RBMS1: variants seen among roughly 807,000 people sequenced by gnomAD.
The protein encoded by RBMS1 is RNA-binding motif, single-stranded-interacting protein 1.
RBMS1 carries 17 observed loss-of-function variants against 62.3 expected under a neutral mutation model. The ratio of observed to expected loss-of-function variants is 0.27; its 90% CI spans 0.19 to 0.41. The LOEUF is 0.41. Ranked by LOEUF, RBMS1 falls within the 10% of genes least tolerant of loss-of-function variation. The pLI, the probability that RBMS1 is intolerant of heterozygous loss-of-function variation, is 1.00. For synonymous variants in RBMS1, 172 were observed against 170.0 expected (o/e 1.01, Z -0.09); for missense variants, 334 against 504.5 (o/e 0.66, Z 3.24).
intron 1 of RBMS1, among the ~76,000 whole-genome samples, chr2:160,388,730 A>C (rs564649773): frequency 6.6e-6 from 1 of 152,308 alleles, no homozygotes; most frequent in East Asian, 1.9e-4. Flanking sequence ...GAGCCAAGCA[A>C]TTTCCGGTTC....
intron 1 of RBMS1, among the ~76,000 whole-genome samples, chr2:160,418,471 T>C (rs1185026344): frequency 6.6e-6 from 1 of 152,174 alleles, no homozygotes; most frequent in African/African-American, 2.4e-5. Flanking sequence ...AAAATTTATA[T>C]GAAATTACAA....
In RBMS1 at chr2:160,426,478, C is replaced by T. The variant is rs147570046; in HGVS notation, c.76-59087G>A. Among the ~76,000 whole-genome samples, 969 of 152,190 alleles carry T rather than the reference C, an allele frequency of 6.4e-3. 3 individuals carry two copies. The highest frequency in any genetic ancestry group is 0.011 in the Non-Finnish European group (733 of 68,014). On this transcript the variant is annotated intron_variant, in intron 1 of 13. Transcript: ENST00000348849. ...TCAACAAACATAAAAATTAGATTAT[C>T]CTTTATCAAATTTAAAATGTTTTTA...
intron 1 of RBMS1, among the ~76,000 whole-genome samples, chr2:160,449,297 C>T (rs1037831087): frequency 6.6e-6 from 1 of 152,362 alleles, no homozygotes; most frequent in African/African-American, 2.4e-5. Context: ...AGGAGCCCCT[C>T]TGCCCGGCCG....
intron 1 of RBMS1, among the ~76,000 whole-genome samples, chr2:160,470,205 G>A (rs961140771): frequency 5.9e-5 from 9 of 152,002 alleles, no homozygotes; most frequent in African/African-American, 1.9e-4. Flanking sequence ...AGAGTTTTTC[G>A]ATTGTCAGTA....
chr2:160,396,881 C>T (rs1695174264), intron 1 of RBMS1, among the ~76,000 whole-genome samples: 1 of 152,098 alleles, frequency 6.6e-6, no homozygotes, highest in African/African-American at 2.4e-5. Flanking sequence ...TGTCTACCTG[C>T]GCATGCACGT....
chr2:160,369,876 T>C (rs928745206), intron 1 of RBMS1, among the ~76,000 whole-genome samples: 1 of 152,194 alleles, frequency 6.6e-6, no homozygotes, highest in African/African-American at 2.4e-5. Flanking sequence ...ATGACTTAGT[T>C]GGAGATTATT....
At chr2:160,408,047 A>C (rs1695858815) in intron 1 of RBMS1, among the ~76,000 whole-genome samples, 1 of 146,794 alleles carries the variant, frequency 6.8e-6, no homozygotes, top group Non-Finnish European at 1.5e-5. Flanking sequence ...CCCTCCCGGG[A>C]TCGGGGCCGG....
intron 1 of RBMS1, among the ~76,000 whole-genome samples, chr2:160,378,769 T>A (rs918092575): frequency 1.3e-5 from 2 of 152,224 alleles, no homozygotes; most frequent in African/African-American, 4.8e-5. Flanking sequence ...CACAAATTCA[T>A]ACACTCAAAA....
At chr2:160,428,864 T>G (rs1682765411) in intron 1 of RBMS1, among the ~76,000 whole-genome samples, 1 of 152,210 alleles carries the variant, frequency 6.6e-6, no homozygotes, top group South Asian at 2.1e-4. Flanking sequence ...ACATTGTGCT[T>G]CCTTTTGTAT....
Position 160,427,471 on chromosome 2 carries a change from T to C in RBMS1, c.76-60080A>G, listed in dbSNP as rs185351728. 5.9e-5 allele frequency among the ~76,000 whole-genome samples: 9 copies of C among 152,226 alleles called. No individual in the cohort carries two copies. In the East Asian group the frequency reaches 1.7e-3, roughly 29 times the overall value. On this transcript the variant is annotated intron_variant, in intron 1 of 13. Transcript: ENST00000348849. Reference sequence around the variant, plus strand: ...ATCAAGAATGACACAATTAAAAAAATTGTTAAAGCCTAAATATATAAACAT... The same window carrying C: ...ATCAAGAATGACACAATTAAAAAAACTGTTAAAGCCTAAATATATAAACAT...
chr2:160,482,000 A>T (rs1162599319), intron 1 of RBMS1, among the ~76,000 whole-genome samples: 1 of 152,242 alleles, frequency 6.6e-6, no homozygotes, highest in Non-Finnish European at 1.5e-5. Flanking sequence ...AACACATGAT[A>T]TGAACAAGAC....
chr2:160,471,716 T>TATATATATATATA (rs371634389), intron 1 of RBMS1, among the ~76,000 whole-genome samples: 3 of 76,232 alleles, frequency 3.9e-5, no homozygotes, highest in Non-Finnish European at 5.4e-5. Flanking sequence ...TATATATATA[T>TATATATATATATA]AACCTTTCAT....
intron 2 of RBMS1, among the ~76,000 whole-genome samples, chr2:160,318,960 T>C (rs752481098): frequency 6.6e-6 from 1 of 152,216 alleles, no homozygotes; most frequent in Non-Finnish European, 1.5e-5. Context: ...AATCATTAAT[T>C]TTATGAAGTT....
intron 1 of RBMS1, among the ~76,000 whole-genome samples, chr2:160,466,025 T>C (rs1684678057): frequency 6.6e-6 from 1 of 152,210 alleles, no homozygotes; most frequent in Admixed American, 6.5e-5. Flanking sequence ...TATGTATGAC[T>C]ATCATATGGA....
intron 2 of RBMS1, among the ~76,000 whole-genome samples, chr2:160,334,990 A>C: frequency 6.6e-6 from 1 of 152,130 alleles, no homozygotes; most frequent in East Asian, 1.9e-4. Context: ...AAAACCCTTC[A>C]GCTCATCACA....
intron 12 of RBMS1, among the ~76,000 whole-genome samples, chr2:160,276,143 C>T (rs1687820604): frequency 6.6e-6 from 1 of 152,156 alleles, no homozygotes; most frequent in South Asian, 2.1e-4. Flanking sequence ...TGAAGCAGCA[C>T]AGTTAAGTGG....
chr2:160,442,789 A>G (rs1231714695), intron 1 of RBMS1, among the ~76,000 whole-genome samples: 2 of 152,218 alleles, frequency 1.3e-5, no homozygotes, highest in Non-Finnish European at 2.9e-5. Context: ...AGGAGGCCCA[A>G]CGCAGGCAGC....
intron 3 of RBMS1, among the ~76,000 whole-genome samples, chr2:160,316,600 T>C (rs574987037): frequency 3.3e-5 from 5 of 152,350 alleles, no homozygotes; most frequent in Admixed American, 3.3e-4. Context: ...TTGAGGAATT[T>C]TGGCTTCTAT....
chr2:160,490,116 T>G (rs556674392), intron 1 of RBMS1, among the ~76,000 whole-genome samples: 1 of 152,104 alleles, frequency 6.6e-6, no homozygotes, highest in Non-Finnish European at 1.5e-5. Context: ...ATTATCAACA[T>G]CTTTTTTCTG....
Sources: allele counts gnomAD v4.1 joint callset (sites outside exome capture counted in the v4.1 genomes callset), GRCh38; gene constraint gnomAD v4.1.1; transcripts MANE v1.5; gene names NCBI Gene and HGNC (gene_info 2026-07-23, HGNC 2026-07-21).